The following ACVR1 variants were observed in gnomAD, a reference collection of about 807,000 sequenced individuals.
ACVR1 encodes the protein activin receptor type-1.
In ACVR1, 38 loss-of-function variants were observed where a neutral mutation model predicts 57.1. That is an observed-to-expected ratio of 0.67 (90% CI 0.51 to 0.87). The LOEUF (loss-of-function observed/expected upper bound fraction) is 0.87, where lower values mean the gene tolerates loss of function less well. ACVR1 is among the 40% of genes least tolerant of loss of function. The probability of loss-of-function intolerance (pLI) is 0.00; values close to 1 mark genes in which losing one functional copy is unlikely to be tolerated. For synonymous variants in ACVR1, 212 were observed against 228.1 expected, an observed-to-expected ratio of 0.93 and a Z score of 0.63; for missense variants, 463 against 638.2, an observed-to-expected ratio of 0.73 and a Z score of 2.96.
intron 3 of ACVR1, among the ~76,000 whole-genome samples, chr2:157,799,156 A>G (rs956660997): frequency 6.6e-6 from 1 of 152,086 alleles, no homozygotes; most frequent in African/African-American, 2.4e-5. Context: ...TCGACCTCCC[A>G]AAGTGCTGGG....
chr2:157,746,809 T>C lies in ACVR1; in HGVS notation c.1265-8239A>G, dbSNP rs756867497. Among the ~76,000 whole-genome samples the C allele has an allele frequency of 1.4e-4, 21 of 152,226 alleles. 1 individual carries two copies. Among genetic ancestry groups the C allele is most frequent in the Admixed American group, 6.5e-5 (1 of 15,282 alleles). The stretch of plus-strand genomic sequence containing the variant: ...CACACAGGGAAGGTAAGAAAGCCGT[T>C]TTCTTTCCTACCAATTCCAAATTCA... On this transcript the variant is annotated intron_variant, in intron 9 of 10. Coordinates refer to ENST00000434821, the MANE Select transcript of ACVR1 (RefSeq NM_001111067.4).
At chr2:157,848,056 G>A (rs772417301) in intron 1 of ACVR1, among the ~76,000 whole-genome samples, 1 of 152,192 alleles carries the variant, frequency 6.6e-6, no homozygotes, top group East Asian at 1.9e-4. Flanking sequence ...TCAATGTAAT[G>A]TAACCTGGGT....
At chr2:157,797,077 A>G (rs1342394880) in intron 3 of ACVR1, among the ~76,000 whole-genome samples, 1 of 152,218 alleles carries the variant, frequency 6.6e-6, no homozygotes, top group Non-Finnish European at 1.5e-5. Context: ...TGAAATTTAC[A>G]TTTTTATTGT....
At chr2:157,781,483 T>TTATAGTGGGAA (rs1243645723) in intron 3 of ACVR1, among the ~76,000 whole-genome samples, 5 of 152,164 alleles carry the variant, frequency 3.3e-5, no homozygotes, top group Non-Finnish European at 5.9e-5. Context: ...TTTACATAGA[T>TTATAGTGGGAA]TATAGTGGGA....
chr2:157,780,832 G>T (rs1315847628), intron 3 of ACVR1, among the ~76,000 whole-genome samples: 1 of 151,134 alleles, frequency 6.6e-6, no homozygotes, highest in South Asian at 2.1e-4. Flanking sequence ...CACCCTTTTA[G>T]ATCATATTAG....
intron 1 of ACVR1, among the ~76,000 whole-genome samples, chr2:157,873,208 C>A (rs1202828096): frequency 6.6e-6 from 1 of 152,174 alleles, no homozygotes; most frequent in East Asian, 1.9e-4. Flanking sequence ...CAAAAGTGGC[C>A]AAGAACATGA....
chr2:157,812,868 T>A (rs1157711174), intron 2 of ACVR1, among the ~76,000 whole-genome samples: 1 of 152,170 alleles, frequency 6.6e-6, no homozygotes, highest in Non-Finnish European at 1.5e-5. Flanking sequence ...TCATATAAAG[T>A]GGTCCTTCCT....
At chr2:157,737,738 A>C in intron 10 of ACVR1, 73 bp from the exon 11 acceptor site, 40 of 1,582,726 alleles carry the variant, frequency 2.5e-5, no homozygotes, top group African/African-American at 5.4e-5. Context: ...GGCTGATATC[A>C]TGTCTACTAT....
intron 5 of ACVR1, 101 bp downstream of exon 5, chr2:157,778,030 G>A (rs1686356334): frequency 1.6e-6 from 2 of 1,233,164 alleles, no homozygotes. Context: ...TGTGTACACT[G>A]TTCAGTCACT....
intron 1 of ACVR1, among the ~76,000 whole-genome samples, chr2:157,863,336 C>CTTTTTTTTTTTTTTTTTTTTTTTTTTT (rs1161335923): frequency 2.8e-5 from 1 of 35,674 alleles, no homozygotes; most frequent in Non-Finnish European, 4.8e-5. Context: ...AATTGTTTCT[C>CTTTTTTTTTTTTTTTTTTTTTTTTTTT]TTTTTTTTTT....
At position 157,770,315 on chromosome 2, in the gene ACVR1, G is replaced by A. The variant is rs1686023797; in HGVS notation, c.790+53C>T. 3.8e-6 allele frequency: 6 copies of A among 1,599,778 alleles called. No individual in the cohort carries two copies. The East Asian group carries it at 1.3e-4, about 36-fold the overall frequency. On this transcript the variant is annotated intron_variant, in intron 7 of 10. Transcript: ENST00000434821. ...CACCAAAACGGAGAGAGCAAAGGCA[G>A]ACAATTGTTTCTCCCTAGATACAAT...
chr2:157,791,336 G>C (rs922099626), intron 3 of ACVR1, among the ~76,000 whole-genome samples: 1 of 152,158 alleles, frequency 6.6e-6, no homozygotes, highest in Non-Finnish European at 1.5e-5. Flanking sequence ...TAAATTATTT[G>C]AAAGAGTGCA....
chr2:157,834,742 T>C (rs1393435226), intron 1 of ACVR1, among the ~76,000 whole-genome samples: 1 of 152,170 alleles, frequency 6.6e-6, no homozygotes, highest in Non-Finnish European at 1.5e-5. Flanking sequence ...TCCTCTCAAA[T>C]TCATATGTTG....
intron 1 of ACVR1, among the ~76,000 whole-genome samples, chr2:157,862,311 T>C (rs1010526945): frequency 6.6e-6 from 1 of 152,112 alleles, no homozygotes; most frequent in African/African-American, 2.4e-5. Flanking sequence ...TGTCCTGCTT[T>C]TTTCATGTAA....
intron 9 of ACVR1, among the ~76,000 whole-genome samples, chr2:157,760,216 C>T (rs1201858380): frequency 1.3e-5 from 2 of 152,018 alleles, no homozygotes; most frequent in African/African-American, 4.8e-5. Context: ...CCAGTTATCA[C>T]TCATATGTGG....
In ACVR1 at chr2:157,755,061, C is replaced by G. The variant is rs555215022; in HGVS notation, c.1264+5819G>C. On this transcript the variant is annotated intron_variant, in intron 9 of 10. Coordinates refer to ENST00000434821, the MANE Select transcript of ACVR1 (RefSeq NM_001111067.4). Reference sequence around the variant, plus strand: ...AAAGCATTTGATAAAATCCAGCATCCCTTTATGATTAAAACCCTTAGCAAA... The same window carrying G: ...AAAGCATTTGATAAAATCCAGCATCGCTTTATGATTAAAACCCTTAGCAAA... Among the ~76,000 whole-genome samples, 111 of 152,162 alleles carry G rather than the reference C, an allele frequency of 7.3e-4. No homozygotes were observed. In the South Asian group the frequency reaches 9.8e-3, roughly 13 times the overall value.
chr2:157,851,684 C>T (rs769544994), intron 1 of ACVR1, among the ~76,000 whole-genome samples: 1 of 152,098 alleles, frequency 6.6e-6, no homozygotes, highest in South Asian at 2.1e-4. Context: ...GCAGAGTGGG[C>T]TCCTAGTAGA....
intron 1 of ACVR1, among the ~76,000 whole-genome samples, chr2:157,818,970 T>C (rs1181117232): frequency 6.9e-6 from 1 of 145,612 alleles, no homozygotes; most frequent in South Asian, 2.2e-4. Context: ...CCCAGCTACT[T>C]GGGAGGCTGA....
chr2:157,852,150 G>C (rs573718457), intron 1 of ACVR1, among the ~76,000 whole-genome samples: 1 of 151,962 alleles, frequency 6.6e-6, no homozygotes, highest in South Asian at 2.1e-4. Context: ...AAGAGAAAAG[G>C]CCAATAAAGA....
Sources: gnomAD v4.1 joint callset for allele counts (sites outside exome capture counted in the v4.1 genomes callset) on GRCh38, gnomAD v4.1.1 for gene constraint, MANE v1.5 for transcripts, NCBI Gene and HGNC (gene_info 2026-07-23, HGNC 2026-07-21) for gene names.